HS6ST3: variants seen among roughly 807,000 people sequenced by gnomAD.
HS6ST3 encodes heparan-sulfate 6-O-sulfotransferase 3.
In HS6ST3, 12 loss-of-function variants were observed where a neutral mutation model predicts 36.7. That is an observed-to-expected ratio of 0.33 (90% CI 0.21 to 0.53). The LOEUF is 0.53. Ranked by LOEUF, HS6ST3 falls within the 20% of genes least tolerant of loss-of-function variation. The pLI is 0.95. For synonymous variants in HS6ST3, 240 were observed against 257.5 expected (o/e 0.93, Z 0.65); for missense variants, 584 against 640.9 (o/e 0.91, Z 0.96).
At chr13:96,571,101 A>G (rs891070770) in intron 1 of HS6ST3, among the ~76,000 whole-genome samples, 1 of 152,200 alleles carries the variant, frequency 6.6e-6, no homozygotes, top group African/African-American at 2.4e-5. Flanking sequence ...ATTAAGCTGA[A>G]AAATCTAGAT....
chr13:96,683,789 A>G (rs985027590), intron 1 of HS6ST3, among the ~76,000 whole-genome samples: 4 of 152,118 alleles, frequency 2.6e-5, no homozygotes, highest in Non-Finnish European at 5.9e-5. Flanking sequence ...ATAATAGAAG[A>G]CAATTATTTC....
intron 1 of HS6ST3, among the ~76,000 whole-genome samples, chr13:96,433,521 T>A (rs1004646583): frequency 6.6e-6 from 1 of 152,218 alleles, no homozygotes; most frequent in Non-Finnish European, 1.5e-5. Context: ...CTGCACTAAA[T>A]GAGAGTTCTT....
At chr13:96,536,999 A>G (rs2056158137) in intron 1 of HS6ST3, among the ~76,000 whole-genome samples, 1 of 152,192 alleles carries the variant, frequency 6.6e-6, no homozygotes, top group Admixed American at 6.5e-5. Context: ...ATCCTCTGCG[A>G]AGCCCATACT....
At chr13:96,150,902 G>A (rs923964376) in intron 1 of HS6ST3, among the ~76,000 whole-genome samples, 2 of 152,170 alleles carry the variant, frequency 1.3e-5, no homozygotes, top group Non-Finnish European at 2.9e-5. Context: ...AATATATAAT[G>A]TGAATAAACA....
intron 1 of HS6ST3, among the ~76,000 whole-genome samples, chr13:96,613,337 G>A (rs1415454052): frequency 1.3e-5 from 2 of 152,160 alleles, no homozygotes; most frequent in African/African-American, 4.8e-5. Flanking sequence ...GAAGCACAGA[G>A]AGGTTAAATA....
chr13:96,227,880 A>G (rs2058393888), intron 1 of HS6ST3, among the ~76,000 whole-genome samples: 1 of 152,236 alleles, frequency 6.6e-6, no homozygotes, highest in Non-Finnish European at 1.5e-5. Context: ...ATCTCACAGT[A>G]TCAAATTATA....
chr13:96,337,980 G>C (rs1379795363), intron 1 of HS6ST3, among the ~76,000 whole-genome samples: 3 of 151,850 alleles, frequency 2.0e-5, no homozygotes, highest in Non-Finnish European at 4.4e-5. Context: ...CAGAACACAG[G>C]TGGCACTTGT....
At chr13:96,304,623 C>T (rs1368508224) in intron 1 of HS6ST3, among the ~76,000 whole-genome samples, 1 of 150,560 alleles carries the variant, frequency 6.6e-6, no homozygotes, top group East Asian at 2.0e-4. Context: ...AAGAGAATAA[C>T]ATATATAATG....
At chr13:96,534,691 G>A (rs2056148386) in intron 1 of HS6ST3, among the ~76,000 whole-genome samples, 1 of 152,210 alleles carries the variant, frequency 6.6e-6, no homozygotes, top group African/African-American at 2.4e-5. Flanking sequence ...GGGCACGGTG[G>A]CACACGCCTG....
intron 1 of HS6ST3, among the ~76,000 whole-genome samples, chr13:96,721,258 A>G (rs1405617059): frequency 2.0e-5 from 3 of 152,120 alleles, no homozygotes; most frequent in Admixed American, 6.6e-5. Flanking sequence ...ATCTTTATCT[A>G]CTTAATGACC....
intron 1 of HS6ST3, among the ~76,000 whole-genome samples, chr13:96,407,516 C>T (rs2055484706): frequency 6.6e-6 from 1 of 152,122 alleles, no homozygotes; most frequent in Non-Finnish European, 1.5e-5. Flanking sequence ...ATATTAGGGG[C>T]TCAATAGGCG....
intron 1 of HS6ST3, among the ~76,000 whole-genome samples, chr13:96,453,517 C>T (rs922089292): frequency 3.9e-5 from 6 of 152,170 alleles, no homozygotes; most frequent in Non-Finnish European, 7.3e-5. Flanking sequence ...GCAGAAACAC[C>T]GTGGAGAACC....
At chr13:96,301,756 A>C (rs921277490) in intron 1 of HS6ST3, among the ~76,000 whole-genome samples, 7 of 151,746 alleles carry the variant, frequency 4.6e-5, no homozygotes, top group South Asian at 2.1e-4. Flanking sequence ...AACAAACAAA[A>C]AAAATTAGTT....
At chr13:96,626,829 T>C (rs1284058897) in intron 1 of HS6ST3, among the ~76,000 whole-genome samples, 1 of 152,088 alleles carries the variant, frequency 6.6e-6, no homozygotes, top group Non-Finnish European at 1.5e-5. Context: ...CTATTCTACA[T>C]AGTATTTTTT....
At chr13:96,172,621 A>C (rs1424733144) in intron 1 of HS6ST3, among the ~76,000 whole-genome samples, 1 of 152,132 alleles carries the variant, frequency 6.6e-6, no homozygotes, top group African/African-American at 2.4e-5. Context: ...AATTGCTATT[A>C]TAAGTATTTT....
chr13:96,149,253 A>G (rs2262077), intron 1 of HS6ST3, among the ~76,000 whole-genome samples: 123,366 of 152,086 alleles, frequency 0.81, 50,524 homozygotes, highest in East Asian at 0.91. Flanking sequence ...ATTCTTGGTG[A>G]TTTTTCGATC....
At chr13:96,443,529 CAA>C (rs10676564) in intron 1 of HS6ST3, among the ~76,000 whole-genome samples, 4 of 76,474 alleles carry the variant, frequency 5.2e-5, no homozygotes, top group Non-Finnish European at 7.7e-5. Context: ...GACTCCGTCT[CAA>C]AAAAAAAAAA....
intron 1 of HS6ST3, among the ~76,000 whole-genome samples, chr13:96,793,213 C>T (rs1877832463): frequency 6.6e-6 from 1 of 152,000 alleles, no homozygotes; most frequent in South Asian, 2.1e-4. Flanking sequence ...TCCTCTCACT[C>T]CGACAGGCTG....
intron 1 of HS6ST3, among the ~76,000 whole-genome samples, chr13:96,698,828 C>T (rs966022535): frequency 6.6e-5 from 10 of 152,294 alleles, no homozygotes; most frequent in African/African-American, 2.4e-4. Flanking sequence ...CTGGAGGCAT[C>T]ACGCTACCTG....
Sources: gnomAD v4.1 joint callset for allele counts (sites outside exome capture counted in the v4.1 genomes callset) on GRCh38, gnomAD v4.1.1 for gene constraint, MANE v1.5 for transcripts, NCBI Gene and HGNC (gene_info 2026-07-23, HGNC 2026-07-21) for gene names.